EPB41L3: variants seen among roughly 807,000 people sequenced by gnomAD.
EPB41L3 encodes the protein erythrocyte membrane protein band 4.1 like 3.
Under a neutral mutation model 127.1 loss-of-function variants are expected in EPB41L3, and 57 were observed. The observed-to-expected ratio is 0.45, with a 90% CI of 0.36 to 0.56. EPB41L3 has a LOEUF of 0.56. Among genes scored for constraint, EPB41L3 ranks in the 20% least tolerant of loss-of-function variants. The probability of loss-of-function intolerance (pLI) is 0.00; values close to 1 mark genes in which losing one functional copy is unlikely to be tolerated. For synonymous variants in EPB41L3, 572 were observed against 549.5 expected (o/e 1.04, Z -0.57); for missense variants, 1,273 against 1,372.2 (o/e 0.93, Z 1.14).
At chr18:5,575,799 T>G (rs2094331542) in intron 3 of EPB41L3, among the ~76,000 whole-genome samples, 1 of 152,146 alleles carries the variant, frequency 6.6e-6, no homozygotes. Context: ...ATGGTGCCAT[T>G]GCACTGCAGC....
intron 16 of EPB41L3, among the ~76,000 whole-genome samples, chr18:5,401,997 T>C (rs1240942727): frequency 6.6e-6 from 1 of 152,124 alleles, no homozygotes; most frequent in African/African-American, 2.4e-5. Context: ...ATGAGAGCTA[T>C]TTAAAATTTC....
At chr18:5,573,389 A>G (rs1377086707) in intron 3 of EPB41L3, among the ~76,000 whole-genome samples, 1 of 152,254 alleles carries the variant, frequency 6.6e-6, no homozygotes, top group Non-Finnish European at 1.5e-5. Flanking sequence ...AAATGGTAAT[A>G]TTGCCAATCA....
Position 5,534,221 on chromosome 18 carries a change from T to C in EPB41L3, c.-12+9692A>G, listed in dbSNP as rs565990954. On this transcript the variant is annotated intron_variant, in intron 1 of 22. Coordinates refer to ENST00000341928, the MANE Select transcript of EPB41L3 (RefSeq NM_012307.5). ...CAAGCATTCTGAGTCCAAGGCCAGG[T>C]TTCTTTGCTCTATGCTAAACATTTT... Among the ~76,000 whole-genome samples, 114 of 152,268 alleles carry C rather than the reference T, an allele frequency of 7.5e-4. 1 individual carries two copies. The highest frequency in any genetic ancestry group is 1.2e-3 in the Non-Finnish European group (81 of 68,008).
At chr18:5,609,953 G>A (rs746943914) in intron 3 of EPB41L3, among the ~76,000 whole-genome samples, 1 of 152,158 alleles carries the variant, frequency 6.6e-6, no homozygotes, top group Non-Finnish European at 1.5e-5. Flanking sequence ...TTTGGGTGCT[G>A]CTGAAAGGAC....
chr18:5,481,679 C>CACTGA (rs1052655370), intron 2 of EPB41L3, among the ~76,000 whole-genome samples: 2 of 152,186 alleles, frequency 1.3e-5, no homozygotes, highest in Non-Finnish European at 1.5e-5. Flanking sequence ...CCAAAGGAGA[C>CACTGA]ACTGAATCAG....
chr18:5,630,020 C>G (rs2094974605), upstream of EPB41L3, among the ~76,000 whole-genome samples: 1 of 152,174 alleles, frequency 6.6e-6, no homozygotes, highest in South Asian at 2.1e-4. Flanking sequence ...GTGCGCTCGC[C>G]GGGCCCCGCG....
intron 3 of EPB41L3, among the ~76,000 whole-genome samples, chr18:5,550,486 T>G (rs539352285): frequency 6.6e-6 from 1 of 152,360 alleles, no homozygotes; most frequent in African/African-American, 2.4e-5. Context: ...CCTATAAACT[T>G]AAATCTGGTT....
chr18:5,438,587 C>G (rs549415897), intron 5 of EPB41L3, among the ~76,000 whole-genome samples: 1 of 152,200 alleles, frequency 6.6e-6, no homozygotes, highest in Non-Finnish European at 1.5e-5. Context: ...ATTCAACATA[C>G]GTTTATTTTA....
chr18:5,472,287 C>T (rs778032893), intron 3 of EPB41L3, among the ~76,000 whole-genome samples: 4 of 151,930 alleles, frequency 2.6e-5, no homozygotes, highest in Non-Finnish European at 5.9e-5. Flanking sequence ...GTAACTGTTC[C>T]TATGGTTGCA....
At chr18:5,396,088 G>T in intron 19 of EPB41L3, 113 bp downstream of exon 19, 2 of 1,306,890 alleles carry the variant, frequency 1.5e-6, no homozygotes, top group Non-Finnish European at 2.2e-6. Context: ...TGGTCTGGCT[G>T]CTGGATCCTC....
At chr18:5,614,550 G>C (rs190713068) in intron 1 of EPB41L3, 6 of 152,214 alleles carry the variant, frequency 3.9e-5, no homozygotes, top group Non-Finnish European at 8.8e-5. Flanking sequence ...CCTCATGAAG[G>C]CCTTCTCTGC....
chr18:5,576,922 A>C (rs1392975884), intron 3 of EPB41L3, among the ~76,000 whole-genome samples: 1 of 152,194 alleles, frequency 6.6e-6, no homozygotes, highest in African/African-American at 2.4e-5. Flanking sequence ...CCTAAATTGA[A>C]GTTGCCATCA....
chr18:5,415,790 G>A, intron 13 of EPB41L3, 28 bp downstream of exon 13: 1 of 1,593,526 alleles, frequency 6.3e-7, no homozygotes, highest in South Asian at 1.1e-5. Context: ...ACACGAAGGG[G>A]AAGCGTGTTC....
At chr18:5,474,719 T>C (rs141835047) in intron 3 of EPB41L3, among the ~76,000 whole-genome samples, 1 of 152,324 alleles carries the variant, frequency 6.6e-6, no homozygotes, top group Non-Finnish European at 1.5e-5. Context: ...CTACACATAT[T>C]GGAGAGAGGG....
At chr18:5,622,069 T>A (rs72870324) in intron 1 of EPB41L3, among the ~76,000 whole-genome samples, 1,705 of 152,114 alleles carry the variant, frequency 0.011, 15 homozygotes, top group Non-Finnish European at 0.017. Context: ...CTTTTTTTTT[T>A]AAACATGAAA....
In EPB41L3 at chr18:5,400,071, G is replaced by A. The variant is rs555139927; in HGVS notation, c.2350-1928C>T. 2.5e-4 allele frequency: 40 copies of A among 157,032 alleles called. No individual in the cohort carries two copies. The South Asian group carries it at 6.8e-3, about 27-fold the overall frequency. 9.7% of individuals were successfully genotyped at this position (157,032 alleles called of 1,614,324 possible). A position where few individuals can be genotyped will look rare whatever the true frequency, so the allele number is the denominator to read the frequency against. ...TTGCCCAGGTCGGCCTCGAACCCCT[G>A]GGCTCAAGTGATCCTCCCATCTCAG... On this transcript the variant is annotated intron_variant, in intron 16 of 22. Coordinates refer to ENST00000341928, the MANE Select transcript of EPB41L3 (RefSeq NM_012307.5).
At chr18:5,473,115 T>G (rs1446404021) in intron 3 of EPB41L3, among the ~76,000 whole-genome samples, 8 of 152,156 alleles carry the variant, frequency 5.3e-5, no homozygotes, top group Non-Finnish European at 1.2e-4. Flanking sequence ...TGGCTGCATT[T>G]AAATTGCTCT....
intron 6 of EPB41L3, among the ~76,000 whole-genome samples, chr18:5,437,279 CTCACCCTT>C (rs2079995467): frequency 6.6e-6 from 1 of 152,138 alleles, no homozygotes; most frequent in Non-Finnish European, 1.5e-5. Flanking sequence ...GAGAGACCCC[CTCACCCTT>C]TCACCACATG....
chr18:5,456,680 G>A (rs1004039654), intron 3 of EPB41L3, among the ~76,000 whole-genome samples: 2 of 152,124 alleles, frequency 1.3e-5, no homozygotes, highest in Non-Finnish European at 2.9e-5. Context: ...GCCACTGAGG[G>A]GTATAGTTGG....
Sources: gnomAD v4.1 joint callset for allele counts (sites outside exome capture counted in the v4.1 genomes callset) on GRCh38, gnomAD v4.1.1 for gene constraint, MANE v1.5 for transcripts, NCBI Gene and HGNC (gene_info 2026-07-23, HGNC 2026-07-21) for gene names.